Variants in MAGI1 observed in about 807,000 individuals in gnomAD.
The protein encoded by MAGI1 is membrane-associated guanylate kinase, WW and PDZ domain-containing protein 1.
Under a neutral mutation model 139.9 loss-of-function variants are expected in MAGI1, and 58 were observed. The ratio of observed to expected loss-of-function variants is 0.41; its 90% CI spans 0.34 to 0.52. MAGI1 has a LOEUF of 0.52. MAGI1 is among the 20% of genes least tolerant of loss of function. MAGI1 has a pLI of 0.12. For synonymous variants in MAGI1, 812 were observed against 737.9 expected, an observed-to-expected ratio of 1.10 and a Z score of -1.63; for missense variants, 1,874 against 1,901.6, an observed-to-expected ratio of 0.99 and a Z score of 0.27.
chr3:65,723,658 T>A (rs1156245810), intron 1 of MAGI1, among the ~76,000 whole-genome samples: 16 of 152,224 alleles, frequency 1.1e-4, no homozygotes, highest in Non-Finnish European at 1.2e-4. Flanking sequence ...TAAACTGGGA[T>A]CTGTGTTTCC....
chr3:65,537,769 G>T (rs2107885742), intron 2 of MAGI1, among the ~76,000 whole-genome samples: 1 of 152,254 alleles, frequency 6.6e-6, no homozygotes, highest in Admixed American at 6.5e-5. Context: ...ATCTCATGCT[G>T]TTCCCCAACC....
At chr3:66,027,540 T>A (rs2068352705) in intron 1 of MAGI1, among the ~76,000 whole-genome samples, 1 of 152,262 alleles carries the variant, frequency 6.6e-6, no homozygotes, top group East Asian at 1.9e-4. Context: ...TGAGTTTGAA[T>A]CTCACCTAGG....
chr3:65,569,846 G>C (rs2080864785), intron 2 of MAGI1, among the ~76,000 whole-genome samples: 1 of 151,476 alleles, frequency 6.6e-6, no homozygotes, highest in African/African-American at 2.4e-5. Flanking sequence ...CTGCGTTCCA[G>C]TCTGGGCAAT....
chr3:65,995,583 C>A (rs1366164262), intron 1 of MAGI1, among the ~76,000 whole-genome samples: 2 of 151,842 alleles, frequency 1.3e-5, no homozygotes, highest in Non-Finnish European at 2.9e-5. Flanking sequence ...ATCACGAGGC[C>A]CCAAATGGTA....
intron 17 of MAGI1, among the ~76,000 whole-genome samples, chr3:65,376,222 T>G (rs1564409): frequency 0.11 from 17,032 of 152,142 alleles, 1,495 homozygotes; most frequent in African/African-American, 0.24. Flanking sequence ...TTAAACCAAT[T>G]ACAAAATTTG....
At chr3:65,521,347 T>C (rs900298451) in intron 2 of MAGI1, among the ~76,000 whole-genome samples, 2 of 152,206 alleles carry the variant, frequency 1.3e-5, no homozygotes, top group Non-Finnish European at 2.9e-5. Flanking sequence ...TATATCTCTA[T>C]ATTAAACAAC....
chr3:66,022,583 T>C (rs2068022532), intron 1 of MAGI1, among the ~76,000 whole-genome samples: 1 of 152,208 alleles, frequency 6.6e-6, no homozygotes, highest in South Asian at 2.1e-4. Flanking sequence ...CTGCTGTCCT[T>C]ACACTGGAAT....
At chr3:65,853,951 A>G (rs1575716685) in intron 1 of MAGI1, among the ~76,000 whole-genome samples, 1 of 151,966 alleles carries the variant, frequency 6.6e-6, no homozygotes, top group East Asian at 1.9e-4. Context: ...CTAAAAATAC[A>G]AAAAAAATTA....
intron 1 of MAGI1, among the ~76,000 whole-genome samples, chr3:65,994,947 G>C (rs551266519): frequency 1.3e-5 from 2 of 152,204 alleles, no homozygotes; most frequent in Non-Finnish European, 2.9e-5. Context: ...GTCATTTGCA[G>C]AGAGGAAATT....
intron 1 of MAGI1, among the ~76,000 whole-genome samples, 200 bp downstream of exon 1, chr3:66,037,796 C>A (rs917742662): frequency 6.6e-6 from 1 of 152,182 alleles, no homozygotes; most frequent in Non-Finnish European, 1.5e-5. Flanking sequence ...GCAAACCCAG[C>A]CCCCTCTTCG....
chr3:65,417,402 G>A (rs1013050348), intron 12 of MAGI1, among the ~76,000 whole-genome samples: 1 of 152,040 alleles, frequency 6.6e-6, no homozygotes. Flanking sequence ...TTTCAAATGG[G>A]AAACATTATC....
chr3:65,610,490 A>AT (rs779563827), intron 2 of MAGI1, among the ~76,000 whole-genome samples: 38 of 151,378 alleles, frequency 2.5e-4, no homozygotes, highest in East Asian at 5.8e-4. Flanking sequence ...TCAGGCAGCT[A>AT]TTTTTTTTCA....
intron 1 of MAGI1, among the ~76,000 whole-genome samples, chr3:65,982,163 G>A (rs989302496): frequency 6.6e-6 from 1 of 152,184 alleles, no homozygotes; most frequent in African/African-American, 2.4e-5. Context: ...ACAAGTGCCT[G>A]CACCTCTTGG....
At chr3:65,788,959 G>T (rs2643738) in intron 1 of MAGI1, among the ~76,000 whole-genome samples, 6 of 152,062 alleles carry the variant, frequency 3.9e-5, no homozygotes, top group Admixed American at 1.3e-4. Context: ...AGGAGAATCC[G>T]TTGCGGCCAG....
intron 8 of MAGI1, among the ~76,000 whole-genome samples, 180 bp downstream of exon 8, chr3:65,442,612 G>A (rs944780345): frequency 6.6e-6 from 1 of 152,010 alleles, no homozygotes; most frequent in Non-Finnish European, 1.5e-5. Context: ...AATATGATTT[G>A]CTATTTTCAG....
chr3:65,945,798 C>A (rs986126971), intron 1 of MAGI1, among the ~76,000 whole-genome samples: 1 of 152,310 alleles, frequency 6.6e-6, no homozygotes, highest in South Asian at 2.1e-4. Context: ...CTACCCAATT[C>A]GTGAATCATT....
At chr3:65,795,261 A>AG (rs1201362374) in intron 1 of MAGI1, among the ~76,000 whole-genome samples, 1 of 152,252 alleles carries the variant, frequency 6.6e-6, no homozygotes, top group African/African-American at 2.4e-5. Context: ...TATCAGTAAT[A>AG]GCCAAAACTA....
chr3:65,544,703 G>A (rs888769056), intron 2 of MAGI1, among the ~76,000 whole-genome samples: 6 of 152,114 alleles, frequency 3.9e-5, no homozygotes, highest in South Asian at 2.1e-4. Flanking sequence ...CAGGGGTCTC[G>A]TTTTTGTTCT....
At chr3:65,673,531 C>T (rs1040986585) in intron 1 of MAGI1, among the ~76,000 whole-genome samples, 1 of 152,222 alleles carries the variant, frequency 6.6e-6, no homozygotes, top group Non-Finnish European at 1.5e-5. Flanking sequence ...TCCAGAGATA[C>T]TCCTACTCCA....
Sources: allele counts gnomAD v4.1 joint callset (sites outside exome capture counted in the v4.1 genomes callset), GRCh38; gene constraint gnomAD v4.1.1; transcripts MANE v1.5; gene names NCBI Gene and HGNC (gene_info 2026-07-23, HGNC 2026-07-21).